The following ZNF438 variants were observed in gnomAD, a reference collection of about 807,000 sequenced individuals.
ZNF438 encodes the protein zinc finger protein 438.
In ZNF438, 25 loss-of-function variants were observed where a neutral mutation model predicts 38.0. That is an observed-to-expected ratio of 0.66 (90% confidence interval 0.48 to 0.92). ZNF438 has a LOEUF of 0.92. Among genes scored for constraint, ZNF438 ranks in the 40% least tolerant of loss-of-function variants. The pLI, the probability that ZNF438 is intolerant of heterozygous loss-of-function variation, is 0.00. For synonymous variants in ZNF438, 372 were observed against 364.1 expected (o/e 1.02, Z -0.25); for missense variants, 1,007 against 999.6 (o/e 1.01, Z -0.10).
exon 6 of ZNF438, chr10:30,845,409 T>C: frequency 6.2e-7 from 1 of 1,614,130 alleles, no homozygotes; most frequent in Non-Finnish European, 8.5e-7. Context: ...GAAGGTCCCT[T>C]CTTGTAGCCT....
chr10:31,020,974 T>C (rs1188894456), intron 1 of ZNF438, among the ~76,000 whole-genome samples: 3 of 151,452 alleles, frequency 2.0e-5, no homozygotes, highest in Admixed American at 6.6e-5. Flanking sequence ...TATTCCTACC[T>C]GGAAGGCAGG....
chr10:30,958,366 A>C (rs1589425835), intron 1 of ZNF438, among the ~76,000 whole-genome samples: 1 of 147,300 alleles, frequency 6.8e-6, no homozygotes, highest in East Asian at 1.9e-4. Flanking sequence ...TTCTCCTAAA[A>C]TATTGATAAA....
intron 1 of ZNF438, among the ~76,000 whole-genome samples, chr10:31,016,807 C>T (rs554672769): frequency 2.8e-4 from 42 of 152,306 alleles, no homozygotes; most frequent in African/African-American, 8.7e-4. Flanking sequence ...GTAAGAAATA[C>T]AATTTCTTTG....
intron 1 of ZNF438, among the ~76,000 whole-genome samples, chr10:30,967,890 G>A (rs1193240547): frequency 6.6e-6 from 1 of 152,182 alleles, no homozygotes; most frequent in Non-Finnish European, 1.5e-5. Flanking sequence ...AATGTGAACA[G>A]TAACCCTTTC....
chr10:30,868,547 TA>T (rs11306137), intron 4 of ZNF438, among the ~76,000 whole-genome samples: 89,053 of 151,898 alleles, frequency 0.59, 26,371 homozygotes, highest in African/African-American at 0.62. Flanking sequence ...TTTACTCTAT[TA>T]AAAAGCATTA....
At chr10:30,865,976 G>A (rs182656154) in intron 4 of ZNF438, among the ~76,000 whole-genome samples, 9 of 152,232 alleles carry the variant, frequency 5.9e-5, no homozygotes, top group Admixed American at 2.0e-4. Flanking sequence ...GCCTTGTGTC[G>A]ACATTTGCAC....
intron 1 of ZNF438, among the ~76,000 whole-genome samples, chr10:31,015,081 T>C (rs886657040): frequency 3.3e-5 from 5 of 152,158 alleles, no homozygotes; most frequent in African/African-American, 1.2e-4. Context: ...CAGATTAGTC[T>C]TGAACACCTG....
At position 31,007,341 on chromosome 10, in the gene ZNF438, G is replaced by A. The variant is rs376018806; in HGVS notation, c.-192+24492C>T. 3.4e-5 allele frequency among the ~76,000 whole-genome samples: 5 copies of A among 149,230 alleles called. No individual in the cohort carries two copies. In the South Asian group the frequency reaches 1.1e-3, roughly 32 times the overall value. On this transcript the variant is annotated intron_variant, in intron 1 of 5. Coordinates refer to ENST00000413025, the Ensembl canonical transcript of ZNF438. ...CTGTTGCCCTGGCTGAAGTGCAGTG[G>A]CGTGATCTCAGCTCACTGCAACCTC...
intron 2 of ZNF438, among the ~76,000 whole-genome samples, chr10:30,916,453 G>T (rs952973907): frequency 4.0e-5 from 6 of 151,870 alleles, no homozygotes; most frequent in African/African-American, 1.4e-4. Flanking sequence ...TTATAACTTT[G>T]AAGTCCCCTT....
At chr10:30,921,178 T>C (rs1396614805) in intron 2 of ZNF438, 1 of 152,196 alleles carries the variant, frequency 6.6e-6, no homozygotes, top group Non-Finnish European at 1.5e-5. Flanking sequence ...TATTGCTTTA[T>C]CTTTGTGCTA....
chr10:30,988,726 G>T (rs187243600), intron 1 of ZNF438, among the ~76,000 whole-genome samples: 1 of 151,566 alleles, frequency 6.6e-6, no homozygotes, highest in African/African-American at 2.4e-5. Flanking sequence ...TTATAGGTTC[G>T]CCAATATGAT....
At chr10:30,990,299 A>G (rs1350597996) in intron 1 of ZNF438, among the ~76,000 whole-genome samples, 1 of 152,226 alleles carries the variant, frequency 6.6e-6, no homozygotes, top group East Asian at 1.9e-4. Context: ...AATGAAAAAA[A>G]TAAAAAGAAT....
intron 2 of ZNF438, among the ~76,000 whole-genome samples, chr10:30,931,870 C>T (rs535825731): frequency 5.7e-4 from 86 of 152,176 alleles, no homozygotes; most frequent in Non-Finnish European, 1.1e-3. Context: ...TGGGAGGAAA[C>T]GTATAATTTA....
chr10:31,011,399 G>T (rs2055687921), intron 1 of ZNF438, among the ~76,000 whole-genome samples: 1 of 152,312 alleles, frequency 6.6e-6, no homozygotes, highest in South Asian at 2.1e-4. Context: ...TCTGCAGACT[G>T]AAGTCTGAAG....
chr10:31,004,948 T>C (rs2054983495), intron 1 of ZNF438, among the ~76,000 whole-genome samples: 2 of 152,238 alleles, frequency 1.3e-5, no homozygotes, highest in South Asian at 4.1e-4. Flanking sequence ...CTTTAATAAG[T>C]TACCAGAGAT....
chr10:30,934,849 G>T (rs1214827532), intron 2 of ZNF438, among the ~76,000 whole-genome samples: 1 of 152,172 alleles, frequency 6.6e-6, no homozygotes, highest in Non-Finnish European at 1.5e-5. Flanking sequence ...TTGATATGTT[G>T]CCAGGACATT....
intron 2 of ZNF438, among the ~76,000 whole-genome samples, chr10:30,921,965 T>C (rs1019403860): frequency 2.6e-5 from 4 of 152,200 alleles, no homozygotes; most frequent in African/African-American, 9.7e-5. Context: ...GGAAAAATTA[T>C]AACAATGCTA....
chr10:30,903,122 C>T (rs571487537), intron 3 of ZNF438, among the ~76,000 whole-genome samples: 3 of 152,330 alleles, frequency 2.0e-5, no homozygotes, highest in Admixed American at 1.3e-4. Flanking sequence ...CACGCCCACC[C>T]GGAACTCTAG....
At chr10:30,977,650 T>C (rs1381332224) in intron 1 of ZNF438, among the ~76,000 whole-genome samples, 3 of 152,176 alleles carry the variant, frequency 2.0e-5, no homozygotes, top group Non-Finnish European at 2.9e-5. Flanking sequence ...TAGGGAGCCA[T>C]GTGCTTAGCT....
Sources: gnomAD v4.1 joint callset for allele counts (sites outside exome capture counted in the v4.1 genomes callset) on GRCh38, gnomAD v4.1.1 for gene constraint, MANE v1.5 for transcripts, NCBI Gene and HGNC (gene_info 2026-07-23, HGNC 2026-07-21) for gene names.